SRPRA: variants seen among roughly 807,000 people sequenced by gnomAD.
SRPRA encodes SRP receptor subunit alpha.
A neutral mutation model predicts 61.1 loss-of-function variants in SRPRA; 30 were observed. The ratio of observed to expected loss-of-function variants is 0.49; its 90% CI spans 0.37 to 0.67. SRPRA has a LOEUF of 0.67. Among genes scored for constraint, SRPRA ranks in the 30% least tolerant of loss-of-function variants. SRPRA has a pLI of 0.00. For missense variants in SRPRA, 759 were observed against 828.4 expected (o/e 0.92, Z 1.03); for synonymous variants, 324 against 299.7 (o/e 1.08, Z -0.84).
the SRPRA span, chr11:126,250,398 C>CTGTT: frequency 1.3e-6 from 1 of 747,698 alleles, no homozygotes; most frequent in Non-Finnish European, 2.2e-6. The surrounding 1 kb of genome is among the most constrained non-coding windows in gnomAD (Gnocchi z 5.1). Flanking sequence ...GCCTTTATCT[C>CTGTT]TGTTTTGAAT....
At chr11:126,252,906 A>G in the SRPRA span, among the ~76,000 whole-genome samples, 1 of 151,814 alleles carries the variant, frequency 6.6e-6, no homozygotes, top group Non-Finnish European at 1.5e-5. The surrounding 1 kb of genome is among the most constrained non-coding windows in gnomAD (Gnocchi z 4.7). Context: ...GTGGTGGTGC[A>G]CGCCTGTAAT....
Position 126,265,871 on chromosome 11 carries a change from A to G in SRPRA, c.1052-48T>C, listed in dbSNP as rs759114419. On this transcript the variant is annotated intron_variant, in intron 8 of 13. Coordinates refer to ENST00000332118, the MANE Select transcript of SRPRA (RefSeq NM_003139.4). This position sits in a 1 kb window ranked among gnomAD's most constrained non-coding sequence, Gnocchi z 6.3. ...GTCAGTTCCATGTCAGCAATGACCA[A>G]TCTTTATGGTACAGGTGAGAAACGC... 14 of 1,612,802 alleles carry G rather than the reference A, an allele frequency of 8.7e-6. No homozygotes were observed. Among genetic ancestry groups the G allele is most frequent in the East Asian group, 4.5e-5 (2 of 44,890 alleles).
the SRPRA span, among the ~76,000 whole-genome samples, chr11:126,241,572 G>A: frequency 6.6e-5 from 10 of 151,006 alleles, no homozygotes; most frequent in African/African-American, 2.2e-4. Context: ...ATTTTTTGAT[G>A]GAATCTTCTT....
chr11:126,254,645 C>T, the SRPRA span, among the ~76,000 whole-genome samples: 1 of 152,176 alleles, frequency 6.6e-6, no homozygotes, highest in East Asian at 1.9e-4. Context: ...CCAGCCTGGG[C>T]AACATAGCGA....
Position 126,263,871 on chromosome 11 carries a change from G to A in SRPRA, c.*45C>T. Reference sequence around the variant, plus strand: ...AAGCACATTCTTGATACAGGAAGAAGGGCTTGTGGGGAAAGCGGCGATTTG... The same window carrying A: ...AAGCACATTCTTGATACAGGAAGAAAGGCTTGTGGGGAAAGCGGCGATTTG... On this transcript the variant is annotated 3_prime_UTR_variant, in exon 14 of 14. Coordinates refer to ENST00000332118, the MANE Select transcript of SRPRA (RefSeq NM_003139.4). 2 of 1,608,764 alleles carry A rather than the reference G, an allele frequency of 1.2e-6. No individual in the cohort carries two copies. The highest frequency in any genetic ancestry group is 1.7e-6 in the Non-Finnish European group (2 of 1,177,816).
In SRPRA at chr11:126,265,406, C is replaced by T; in HGVS notation, c.1173G>A (p.Glu391=). The T allele has an allele frequency of 6.2e-7, 1 of 1,613,880 alleles. No homozygotes were observed. Among genetic ancestry groups the T allele is most frequent in the Non-Finnish European group, 8.5e-7 (1 of 1,179,996 alleles). The change falls in exon 10 of 14, where the codon GAG becomes GAA. Residue 391 remains glutamate (E), a synonymous_variant. Transcript: ENST00000332118. The surrounding 1 kb of genome is among the most constrained non-coding windows in gnomAD (Gnocchi z 6.3). ...VTSTVKQALQ[E]SLVQILQPQR... The stretch of plus-strand genomic sequence containing the variant: ...GTGGCTGCAGAATCTGCACCAGGGA[C>T]TCCTGTAGGGCTTGCTTTACTGTGG...
rs756468842 is a variant in SRPRA, at chr11:126,267,236, T to C, written c.465A>G (p.Thr155=). 2 of 1,614,186 alleles carry C rather than the reference T, an allele frequency of 1.2e-6. No homozygotes were observed. The highest frequency in any genetic ancestry group is 2.2e-5 in the South Asian group (2 of 91,082). Residue 155 remains threonine, a synonymous_variant, in exon 4 of 14, where the codon ACA becomes ACG. Coordinates refer to ENST00000332118, the MANE Select transcript of SRPRA (RefSeq NM_003139.4). The surrounding 1 kb of genome is among the most constrained non-coding windows in gnomAD (Gnocchi z 4.2). ...AKKPVRSMIE[T]RGEKPKEKAK... ...CTTTTTCCTTGGGCTTTTCCCCCCG[T>C]GTCTCAATCATGGACCTCACAGGTT...
downstream of SRPRA, among the ~76,000 whole-genome samples, chr11:126,261,762 G>A (rs1175416403): frequency 6.6e-6 from 1 of 152,190 alleles, no homozygotes; most frequent in Non-Finnish European, 1.5e-5. Context: ...GCTGAGGCAG[G>A]AGGATTGCTT....
At chr11:126,244,313 G>A in the SRPRA span, among the ~76,000 whole-genome samples, 2 of 152,194 alleles carry the variant, frequency 1.3e-5, no homozygotes, top group Admixed American at 1.3e-4. This position sits in a 1 kb window ranked among gnomAD's most constrained non-coding sequence, Gnocchi z 4.5. Flanking sequence ...GTTTGCAGAT[G>A]TGATGATCTA....
chr11:126,238,312 A>G, the SRPRA span, among the ~76,000 whole-genome samples: 1 of 152,186 alleles, frequency 6.6e-6, no homozygotes, highest in African/African-American at 2.4e-5. Context: ...CAGTGAGCCA[A>G]GATTACGAGA....
In SRPRA at chr11:126,266,996, A is replaced by G. The variant is rs548366110; in HGVS notation, c.527-74T>C. ...ACTAGACAATGGCTAAAAGTCTTCC[A>G]AATTGTTCAAAGGAAATTTGGACCA... On this transcript the variant is annotated intron_variant, in intron 4 of 13. Coordinates refer to ENST00000332118, the MANE Select transcript of SRPRA (RefSeq NM_003139.4). 1.6e-3 allele frequency: 2,483 copies of G among 1,557,502 alleles called. 5 individuals carry two copies. Among genetic ancestry groups the G allele is most frequent in the Non-Finnish European group, 2.1e-3 (2,391 of 1,156,152 alleles).
At chr11:126,259,221 T>C (rs1950631360), downstream of SRPRA, among the ~76,000 whole-genome samples, 1 of 152,152 alleles carries the variant, frequency 6.6e-6, no homozygotes, top group African/African-American at 2.4e-5. Flanking sequence ...AGGTTACAGG[T>C]CTTTTGCTGT....
At chr11:126,266,975 G>C (rs897146485) in intron 4 of SRPRA, 53 bp from the exon 5 acceptor site, 6 of 1,584,246 alleles carry the variant, frequency 3.8e-6, no homozygotes, top group Non-Finnish European at 4.3e-6. Context: ...CCAACCACTA[G>C]ACAATGGCTA....
chr11:126,264,004 G>C lies in SRPRA; in HGVS notation c.1829C>G (p.Pro610Arg), dbSNP rs1565344940. 2 of 1,614,024 alleles carry C rather than the reference G, an allele frequency of 1.2e-6. No homozygotes were observed. Among genetic ancestry groups the C allele is most frequent in the Non-Finnish European group, 1.7e-6 (2 of 1,180,048 alleles). The stretch of plus-strand genomic sequence containing the variant: ...CTGGCCGGTGCCCACAAAGACGATG[G>C]GTTTGCTTGTGATGTACGTCATAGA... ...AISMTYITSKPIVFVGTGQTY... is the reference protein window; with the variant it reads ...AISMTYITSKRIVFVGTGQTY... Residue 610 changes from proline (P) to arginine (R), a missense_variant, in exon 14 of 14, where the codon CCC becomes CGC. Coordinates refer to ENST00000332118, the MANE Select transcript of SRPRA (RefSeq NM_003139.4). The surrounding 1 kb of genome is among the most constrained non-coding windows in gnomAD (Gnocchi z 5.0).
At chr11:126,254,363 A>G in the SRPRA span, 203 of 1,614,076 alleles carry the variant, frequency 1.3e-4, no homozygotes, top group Non-Finnish European at 1.7e-4. Flanking sequence ...CACGGAGTCT[A>G]CACCAACCCT....
downstream of SRPRA, among the ~76,000 whole-genome samples, chr11:126,259,705 G>C (rs1256018849): frequency 6.6e-6 from 1 of 151,470 alleles, no homozygotes; most frequent in African/African-American, 2.4e-5. Flanking sequence ...GATTACAGGC[G>C]TGAGCCACCA....
At chr11:126,241,604 C>T in the SRPRA span, among the ~76,000 whole-genome samples, 1 of 151,726 alleles carries the variant, frequency 6.6e-6, no homozygotes, top group South Asian at 2.1e-4. Context: ...GGCTGAAGTT[C>T]AGTGGTTCGA....
intron 6 of SRPRA, 87 bp downstream of exon 6, chr11:126,266,389 C>G: frequency 6.3e-7 from 1 of 1,590,072 alleles, no homozygotes; most frequent in African/African-American, 1.3e-5. Flanking sequence ...TAACTTACCC[C>G]TCATTCAAAT....
At chr11:126,251,184 C>T in the SRPRA span, among the ~76,000 whole-genome samples, 9 of 152,232 alleles carry the variant, frequency 5.9e-5, no homozygotes, top group Non-Finnish European at 1.2e-4. Context: ...GTGGAAACCT[C>T]AGCAGACTTT....
Sources: gnomAD v4.1 joint callset for allele counts (sites outside exome capture counted in the v4.1 genomes callset) on GRCh38, gnomAD v4.1.1 for gene constraint, Gnocchi (gnomAD v3.1) non-coding constraint, MANE v1.5 for transcripts, NCBI Gene and HGNC (gene_info 2026-07-23, HGNC 2026-07-21) for gene names.